LARP4B: variants seen among roughly 807,000 people sequenced by gnomAD.
LARP4B encodes the protein La ribonucleoprotein 4B.
LARP4B carries 12 observed loss-of-function variants against 89.8 expected under a neutral mutation model. The observed-to-expected ratio is 0.13, with a 90% CI of 0.09 to 0.22. The LOEUF (loss-of-function observed/expected upper bound fraction) is 0.22. LARP4B is among the 10% of genes least tolerant of loss of function. LARP4B has a pLI of 1.00. For synonymous variants in LARP4B, 367 were observed against 363.3 expected (o/e 1.01, Z -0.12); for missense variants, 757 against 947.7 (o/e 0.80, Z 2.64).
rs1831822659 is a variant in LARP4B, at chr10:812,948, G to A, written c.2195C>T (p.Thr732Ile). 2 of 1,551,940 alleles carry A rather than the reference G, an allele frequency of 1.3e-6. No homozygotes were observed. Among genetic ancestry groups the A allele is most frequent in the Non-Finnish European group, 1.7e-6 (2 of 1,158,052 alleles). ...MGKRLSREQS[T>I]PPKSPQ Reference sequence around the variant, plus strand: ...TTTTCACTGAGGAGACTTGGGGGGAGTGCTCTGCTCTCGGCTGAGACGCTT... The same window carrying A: ...TTTTCACTGAGGAGACTTGGGGGGAATGCTCTGCTCTCGGCTGAGACGCTT... Residue 732 changes from threonine to isoleucine, a missense_variant, in exon 18 of 18, where the codon ACT becomes ATT. Coordinates refer to ENST00000316157, the MANE Select transcript of LARP4B (RefSeq NM_015155.3).
At chr10:897,221 C>T (rs181439836) in intron 1 of LARP4B, among the ~76,000 whole-genome samples, 1 of 152,110 alleles carries the variant, frequency 6.6e-6, no homozygotes, top group Admixed American at 6.6e-5. Flanking sequence ...AGAAAGAAAC[C>T]GTTACATTTA....
At chr10:863,400 A>T (rs1588931443) in intron 5 of LARP4B, among the ~76,000 whole-genome samples, 1 of 147,280 alleles carries the variant, frequency 6.8e-6, no homozygotes, top group East Asian at 2.0e-4. Context: ...TTTTTTTTGT[A>T]TTTTTTTTTT....
chr10:814,349 TG>T lies in LARP4B; in HGVS notation c.1929+392del, dbSNP rs1163101038. 3.0e-6 allele frequency: 1 copy of T among 330,104 alleles called. No homozygotes were observed. The highest frequency in any genetic ancestry group is 2.2e-5 in the African/African-American group (1 of 45,392). 20.4% of individuals were successfully genotyped at this position (330,104 alleles called of 1,614,324 possible). ...TGGGCCCACAGGGGTTGGAGGCTGGTGGGGCCACCATCTTGCTCTTCCTGTC... is the reference window on the plus strand; with the variant it reads ...TGGGCCCACAGGGGTTGGAGGCTGGTGGGCCACCATCTTGCTCTTCCTGTC... On this transcript the variant is annotated intron_variant, in intron 17 of 17. Transcript: ENST00000316157. The surrounding 1 kb of genome is among the most constrained non-coding windows in gnomAD (Gnocchi z 4.4).
rs1831684152 is a variant in LARP4B at position 809,950 on chromosome 10, T to G, written c.*2976A>C. ...GCCACCCGCCAGTGACAGCCGGTGA[T>G]GTGATGACAGGAGGGCCTGGGTGAA... On this transcript the variant is annotated 3_prime_UTR_variant, in exon 18 of 18. Coordinates refer to ENST00000316157, the MANE Select transcript of LARP4B (RefSeq NM_015155.3). 1 of 152,354 alleles carries G rather than the reference T, an allele frequency of 6.6e-6. No individual in the cohort carries two copies. Among genetic ancestry groups the G allele is most frequent in the African/African-American group, 2.4e-5 (1 of 41,468 alleles). The allele number at this position is 152,354 out of a possible 1,614,324, so 9.4% of individuals were successfully genotyped here. A position where few individuals can be genotyped will look rare whatever the true frequency, so the allele number is the denominator to read the frequency against.
rs74115831 is a variant in LARP4B, at chr10:860,469, G to C, written c.430+3274C>G. ...AGATGATCCAGCTACTCCATTCCTA[G>C]GTATTTTACCCAAGAGAAATGAAAA... On this transcript the variant is annotated intron_variant, in intron 5 of 17. Transcript: ENST00000316157. 3.1e-3 allele frequency among the ~76,000 whole-genome samples: 476 copies of C among 152,192 alleles called. 5 individuals are homozygous for C. The highest frequency in any genetic ancestry group is 0.011 in the African/African-American group (461 of 41,530).
intron 1 of LARP4B, among the ~76,000 whole-genome samples, chr10:921,227 C>T (rs546349492): frequency 2.0e-5 from 3 of 151,528 alleles, no homozygotes; most frequent in East Asian, 1.9e-4. Context: ...GAGCCGAGAT[C>T]GCACCATTGC....
At chr10:985,729 T>C in the LARP4B span, 2 of 152,234 alleles carry the variant, frequency 1.3e-5, no homozygotes, top group Non-Finnish European at 2.9e-5. Flanking sequence ...TGTAATTCAG[T>C]AGGACTACTT....
intron 8 of LARP4B, among the ~76,000 whole-genome samples, chr10:833,415 T>C (rs542453524): frequency 3.9e-5 from 6 of 151,942 alleles, no homozygotes; most frequent in Admixed American, 2.0e-4. Context: ...CACAGAGTTA[T>C]ACCTAATATG....
the LARP4B span, among the ~76,000 whole-genome samples, chr10:956,972 G>A: frequency 7.9e-5 from 12 of 152,150 alleles, no homozygotes; most frequent in African/African-American, 2.4e-4. This position sits in a 1 kb window ranked among gnomAD's most constrained non-coding sequence, Gnocchi z 4.3. Context: ...AGCCTGAGAC[G>A]CGGTGAACAG....
At chr10:882,077 G>A (rs1175253798) in intron 3 of LARP4B, among the ~76,000 whole-genome samples, 1 of 151,624 alleles carries the variant, frequency 6.6e-6, no homozygotes, top group Non-Finnish European at 1.5e-5. Flanking sequence ...CATCCTTAGA[G>A]ACAGGGCCTA....
At chr10:858,420 G>GT (rs1398394254) in intron 5 of LARP4B, among the ~76,000 whole-genome samples, 3 of 152,276 alleles carry the variant, frequency 2.0e-5, no homozygotes, top group African/African-American at 7.2e-5. Context: ...AGATCTAAAT[G>GT]TAAGACCCGA....
intron 7 of LARP4B, among the ~76,000 whole-genome samples, chr10:839,595 G>A (rs1787140162): frequency 1.3e-5 from 2 of 152,306 alleles, no homozygotes; most frequent in African/African-American, 4.8e-5. Context: ...GCCTCAACAA[G>A]ATATCACTAT....
At chr10:835,212 A>G (rs1833139217) in intron 8 of LARP4B, among the ~76,000 whole-genome samples, 1 of 152,228 alleles carries the variant, frequency 6.6e-6, no homozygotes, top group Non-Finnish European at 1.5e-5. Context: ...GAATAAGACC[A>G]TACTTCTATG....
At chr10:853,279 T>A (rs1834143290) in intron 5 of LARP4B, among the ~76,000 whole-genome samples, 1 of 152,220 alleles carries the variant, frequency 6.6e-6, no homozygotes, top group Admixed American at 6.5e-5. Context: ...TCACACAAAG[T>A]TCTGTTTTCC....
intron 1 of LARP4B, among the ~76,000 whole-genome samples, chr10:888,351 C>CAA (rs1564432281): frequency 1.5e-5 from 2 of 135,310 alleles, no homozygotes; most frequent in Non-Finnish European, 3.3e-5. Context: ...AAAAAAAAAA[C>CAA]ACACACACAC....
At chr10:917,787 C>A (rs1387274175) in intron 1 of LARP4B, among the ~76,000 whole-genome samples, 1 of 152,212 alleles carries the variant, frequency 6.6e-6, no homozygotes, top group Admixed American at 6.5e-5. Context: ...CCAGCAAAGA[C>A]AACTTAAAGA....
chr10:905,790 C>G (rs978548008), intron 1 of LARP4B, among the ~76,000 whole-genome samples: 2 of 152,186 alleles, frequency 1.3e-5, no homozygotes, highest in African/African-American at 4.8e-5. Flanking sequence ...TCAACTGTTT[C>G]TATCTCCAAC....
the LARP4B span, among the ~76,000 whole-genome samples, chr10:981,961 TA>T: frequency 4.3e-4 from 66 of 152,312 alleles, 1 homozygote; most frequent in Middle Eastern, 0.014. Flanking sequence ...GTGGAACAGA[TA>T]ATGTCTGAAA....
At chr10:935,637 A>G (rs1830739861), upstream of LARP4B, among the ~76,000 whole-genome samples, 3 of 152,054 alleles carry the variant, frequency 2.0e-5, no homozygotes, top group Admixed American at 2.0e-4. Flanking sequence ...CCAAACAAAT[A>G]CAGCATGTGT....
Sources: allele counts gnomAD v4.1 joint callset (sites outside exome capture counted in the v4.1 genomes callset), GRCh38; gene constraint gnomAD v4.1.1; non-coding constraint Gnocchi (gnomAD v3.1); transcripts MANE v1.5; gene names NCBI Gene and HGNC (gene_info 2026-07-23, HGNC 2026-07-21).